SYNE2: variants seen among roughly 807,000 people sequenced by gnomAD.
SYNE2 encodes spectrin repeat containing nuclear envelope protein 2, also known as nesprin-2.
Under a neutral mutation model 856.3 loss-of-function variants are expected in SYNE2, and 431 were observed. The observed-to-expected ratio is 0.50, with a 90% CI of 0.47 to 0.55. SYNE2 has a LOEUF of 0.55. Among genes scored for constraint, SYNE2 ranks in the 20% least tolerant of loss-of-function variants. The pLI is 0.00. For missense variants in SYNE2, 8,129 were observed against 8,023.2 expected (o/e 1.01, Z -0.50); for synonymous variants, 2,923 against 2,872.3 (o/e 1.02, Z -0.56).
At chr14:64,136,216 G>C (rs2098086849) in intron 78 of SYNE2, among the ~76,000 whole-genome samples, 1 of 151,244 alleles carries the variant, frequency 6.6e-6, no homozygotes, top group African/African-American at 2.4e-5. Flanking sequence ...CTGGAACCCG[G>C]GAGTCGGAGG....
chr14:64,104,154 C>A (rs10146044), intron 64 of SYNE2, among the ~76,000 whole-genome samples: 43,722 of 152,032 alleles, frequency 0.29, 8,855 homozygotes, highest in African/African-American at 0.57. Context: ...TCTACTCCCT[C>A]GGCCCCTTTT....
At chr14:63,817,109 T>C (rs531108634) in intron 1 of SYNE2, among the ~76,000 whole-genome samples, 1 of 152,296 alleles carries the variant, frequency 6.6e-6, no homozygotes, top group Non-Finnish European at 1.5e-5. Context: ...AATTCCAGAC[T>C]ATCCCAGTTC....
chr14:63,881,988 A>C (rs541821278), intron 1 of SYNE2, among the ~76,000 whole-genome samples: 4 of 152,306 alleles, frequency 2.6e-5, no homozygotes, highest in African/African-American at 9.6e-5. Context: ...CTGAGGAGAG[A>C]TAATAAGGCC....
intron 1 of SYNE2, among the ~76,000 whole-genome samples, chr14:63,771,066 C>CTTTTTTT (rs770101693): frequency 1.7e-5 from 2 of 116,328 alleles, no homozygotes; most frequent in African/African-American, 3.5e-5. Context: ...CTTATACACT[C>CTTTTTTT]TTTTTTTTTT....
intron 1 of SYNE2, among the ~76,000 whole-genome samples, chr14:63,856,127 G>A (rs1399498818): frequency 6.6e-6 from 1 of 152,192 alleles, no homozygotes; most frequent in African/African-American, 2.4e-5. Flanking sequence ...GAACTGAGAG[G>A]TCATTGTGGC....
chr14:64,129,052 A>G (rs774128760), intron 74 of SYNE2, among the ~76,000 whole-genome samples: 5 of 152,246 alleles, frequency 3.3e-5, no homozygotes, highest in Non-Finnish European at 5.9e-5. Context: ...TCACGCCTGT[A>G]ATCCCAGCAC....
Position 63,938,367 on chromosome 14 carries a change from G to T in SYNE2, c.80-2247G>T, listed in dbSNP as rs548354240. On this transcript the variant is annotated intron_variant, in intron 2 of 115. Coordinates refer to ENST00000555002, the MANE Select transcript of SYNE2 (RefSeq NM_182914.3). ...GCTACTTGGGAGCCTGGGAGGTCAA[G>T]GCTGCAGTGAGTCATGATCACACCC... 2.6e-5 allele frequency among the ~76,000 whole-genome samples: 4 copies of T among 152,230 alleles called. No individual in the cohort carries two copies. The South Asian group carries it at 8.3e-4, about 32-fold the overall frequency.
Position 64,027,479 on chromosome 14 carries a change from T to A in SYNE2, c.6405-5T>A. 1 of 1,572,478 alleles carries A rather than the reference T, an allele frequency of 6.4e-7. No individual in the cohort carries two copies. Among genetic ancestry groups the A allele is most frequent in the Non-Finnish European group, 8.6e-7 (1 of 1,158,786 alleles). ...TTAATTTATAAAATATTTTGTGAAA[T>A]TTAGCCATCAAGAAAAGCTTCTACT... On this transcript the variant is annotated splice_region_variant and splice_polypyrimidine_tract_variant and intron_variant, in intron 42 of 115. Coordinates refer to ENST00000555002, the MANE Select transcript of SYNE2 (RefSeq NM_182914.3).
At chr14:63,989,082 G>A (rs2096647552) in intron 19 of SYNE2, among the ~76,000 whole-genome samples, 1 of 152,108 alleles carries the variant, frequency 6.6e-6, no homozygotes, top group South Asian at 2.1e-4. Context: ...ATATTTATTA[G>A]ACATCTGTTT....
At chr14:63,851,233 C>T (rs575053826), upstream of SYNE2, among the ~76,000 whole-genome samples, 15 of 152,092 alleles carry the variant, frequency 9.9e-5, no homozygotes, top group African/African-American at 2.2e-4. Flanking sequence ...TGGTGGCGGG[C>T]GCCTGTAATC....
chr14:63,901,905 A>G (rs1419881294), intron 1 of SYNE2, among the ~76,000 whole-genome samples: 2 of 152,202 alleles, frequency 1.3e-5, no homozygotes, highest in Admixed American at 6.5e-5. Context: ...AGCCTGGGTG[A>G]CAGAATGAAA....
intron 7 of SYNE2, among the ~76,000 whole-genome samples, chr14:63,954,444 C>A (rs991335386): frequency 6.6e-6 from 1 of 152,098 alleles, no homozygotes; most frequent in Non-Finnish European, 1.5e-5. Flanking sequence ...GTATGGGATT[C>A]GGCCTGAGAA....
In SYNE2 at chr14:63,888,000, G is replaced by A. The variant is rs146492017; in HGVS notation, c.-51-21098G>A. Among the ~76,000 whole-genome samples the A allele has an allele frequency of 9.9e-5, 15 of 152,016 alleles. No individual in the cohort carries two copies. The East Asian group carries it at 2.1e-3, about 22-fold the overall frequency. On this transcript the variant is annotated intron_variant, in intron 1 of 115. Transcript: ENST00000555002. ...GTTCTTGACCTCAAGTGATCTGCCC[G>A]CCTTGGCCTCCCAAAGTACTGGGAT...
chr14:64,101,617 C>T (rs1177154396), intron 63 of SYNE2, among the ~76,000 whole-genome samples: 1 of 152,028 alleles, frequency 6.6e-6, no homozygotes, highest in African/African-American at 2.4e-5. Flanking sequence ...CTCAAAGATA[C>T]CATTTAAGGT....
chr14:63,942,340 A>G lies in SYNE2; in HGVS notation c.408+197A>G, dbSNP rs561308938. ...TTGGTTTTTTTCTCTTCTTTTTGAG[A>G]TGGAGTCTCGCTCTGTCGGCCAGGC... On this transcript the variant is annotated intron_variant, in intron 6 of 115. Coordinates refer to ENST00000555002, the MANE Select transcript of SYNE2 (RefSeq NM_182914.3). Among the ~76,000 whole-genome samples the G allele has an allele frequency of 2.6e-4, 40 of 152,198 alleles. No homozygotes were observed. In the Middle Eastern group the frequency reaches 0.01, roughly 39 times the overall value.
intron 1 of SYNE2, among the ~76,000 whole-genome samples, chr14:63,803,029 A>G (rs895153319): frequency 6.6e-6 from 1 of 152,204 alleles, no homozygotes; most frequent in African/African-American, 2.4e-5. Flanking sequence ...GGTTGCCAAT[A>G]ATGGCTCAGG....
chr14:63,924,987 A>G (rs1373623911), intron 2 of SYNE2, among the ~76,000 whole-genome samples: 1 of 151,638 alleles, frequency 6.6e-6, no homozygotes, highest in Non-Finnish European at 1.5e-5. Context: ...TTTTTTCTTC[A>G]TCAGTGTTCT....
chr14:63,897,160 G>A (rs1367785363), intron 1 of SYNE2, among the ~76,000 whole-genome samples: 1 of 152,170 alleles, frequency 6.6e-6, no homozygotes, highest in East Asian at 1.9e-4. Context: ...GGCTGAGGCA[G>A]GAGAATTGCT....
intron 114 of SYNE2, 135 bp downstream of exon 114, chr14:64,224,682 T>G: frequency 1.0e-6 from 1 of 973,464 alleles, no homozygotes; most frequent in South Asian, 1.4e-5. Context: ...ATAGAGAGGC[T>G]TACAGTCTGC....
Sources: allele counts gnomAD v4.1 joint callset (sites outside exome capture counted in the v4.1 genomes callset), GRCh38; gene constraint gnomAD v4.1.1; transcripts MANE v1.5; gene names NCBI Gene and HGNC (gene_info 2026-07-23, HGNC 2026-07-21).